The following EEIG2 variants were observed in gnomAD, a reference collection of about 807,000 sequenced individuals.
EEIG2 encodes EEIG family member 2.
At chr1:108,562,491 G>C in the EEIG2 span, among the ~76,000 whole-genome samples, 1 of 152,194 alleles carries the variant, frequency 6.6e-6, no homozygotes. Context: ...TCACAATAAG[G>C]AGCCTGTGCC....
the EEIG2 span, among the ~76,000 whole-genome samples, chr1:108,576,073 C>A: frequency 6.6e-6 from 1 of 152,112 alleles, no homozygotes; most frequent in Non-Finnish European, 1.5e-5. Flanking sequence ...TCTCAAACTC[C>A]CGGGTTCAAG....
the EEIG2 span, chr1:108,637,661 C>A: frequency 8.5e-5 from 13 of 152,186 alleles, no homozygotes; most frequent in African/African-American, 3.1e-4. Flanking sequence ...CTAATTATGT[C>A]TTTTCTATCT....
the EEIG2 span, among the ~76,000 whole-genome samples, chr1:108,600,225 C>T: frequency 6.6e-6 from 1 of 152,236 alleles, no homozygotes; most frequent in Non-Finnish European, 1.5e-5. Flanking sequence ...AGGTCAGGAA[C>T]TCTGTCCTCG....
chr1:108,592,753 G>C, the EEIG2 span, among the ~76,000 whole-genome samples: 1 of 152,332 alleles, frequency 6.6e-6, no homozygotes, highest in African/African-American at 2.4e-5. Flanking sequence ...GAACTTTGCA[G>C]ATTTGGAAAT....
chr1:108,624,800 C>A, the EEIG2 span: 2 of 1,451,092 alleles, frequency 1.4e-6, no homozygotes, highest in African/African-American at 1.4e-5. Context: ...CGACTTGATG[C>A]CCTAAAAATT....
chr1:108,630,660 T>TA, the EEIG2 span, among the ~76,000 whole-genome samples: 3 of 152,322 alleles, frequency 2.0e-5, no homozygotes, highest in East Asian at 3.9e-4. Flanking sequence ...CTGCCAAACT[T>TA]ACATTGATTA....
At chr1:108,625,772 CTCTGTGTGTGTGTGTGTGTG>C in the EEIG2 span, 11 of 109,346 alleles carry the variant, frequency 1.0e-4, no homozygotes, top group African/African-American at 3.0e-4. Flanking sequence ...CTCTCTCTCT[CTCTGTGTGTGTGTGTGTGTG>C]TGTGTGTGTG....
the EEIG2 span, among the ~76,000 whole-genome samples, chr1:108,566,838 A>G: frequency 6.6e-6 from 1 of 152,186 alleles, no homozygotes; most frequent in Non-Finnish European, 1.5e-5. Flanking sequence ...AGGTGAACTC[A>G]TAGTGGGTGA....
chr1:108,612,239 G>A, the EEIG2 span: 13 of 1,613,766 alleles, frequency 8.1e-6, no homozygotes, highest in South Asian at 1.4e-4. Context: ...ACTCGCCGCT[G>A]TTTACTGGAA....
At chr1:108,628,617 T>G in the EEIG2 span, 1 of 1,570,792 alleles carries the variant, frequency 6.4e-7, no homozygotes, top group Non-Finnish European at 8.6e-7. Context: ...AAATTTTAAT[T>G]TTTAAAAAAC....
the EEIG2 span, among the ~76,000 whole-genome samples, chr1:108,630,326 CA>C: frequency 6.6e-6 from 1 of 152,212 alleles, no homozygotes; most frequent in Non-Finnish European, 1.5e-5. Context: ...ATCGCAAGGA[CA>C]AAAAACCAAA....
the EEIG2 span, chr1:108,628,758 G>A: frequency 1.2e-6 from 2 of 1,613,366 alleles, no homozygotes; most frequent in Non-Finnish European, 1.7e-6. Context: ...ACATTGTAGA[G>A]AAAATATTAC....
chr1:108,601,111 G>A, the EEIG2 span, among the ~76,000 whole-genome samples: 1 of 152,168 alleles, frequency 6.6e-6, no homozygotes, highest in East Asian at 1.9e-4. Context: ...AATTTACATA[G>A]TTAATAAATG....
At chr1:108,595,008 A>G in the EEIG2 span, among the ~76,000 whole-genome samples, 1 of 152,162 alleles carries the variant, frequency 6.6e-6, no homozygotes, top group African/African-American at 2.4e-5. Context: ...AAAAATTCAC[A>G]TACAGAGTTC....
the EEIG2 span, among the ~76,000 whole-genome samples, chr1:108,605,136 A>G: frequency 2.0e-5 from 3 of 152,218 alleles, no homozygotes; most frequent in Non-Finnish European, 4.4e-5. Context: ...AGAGAGTAGG[A>G]TATAGCAAAT....
chr1:108,612,522 G>A, the EEIG2 span, among the ~76,000 whole-genome samples: 146,716 of 152,336 alleles, frequency 0.96, 70,869 homozygotes, highest in Non-Finnish European at 1. Flanking sequence ...TGACGTTTGA[G>A]CATTCAGAGA....
the EEIG2 span, among the ~76,000 whole-genome samples, chr1:108,606,626 G>C: frequency 3.9e-5 from 6 of 152,108 alleles, no homozygotes; most frequent in Non-Finnish European, 5.9e-5. Context: ...CAGTACTGCT[G>C]GTTTTTACTT....
At chr1:108,594,882 T>A in the EEIG2 span, among the ~76,000 whole-genome samples, 3 of 152,220 alleles carry the variant, frequency 2.0e-5, no homozygotes, top group Admixed American at 2.0e-4. Context: ...TCTTAATCTC[T>A]TGTTTTTTTC....
At chr1:108,569,416 TC>T in the EEIG2 span, among the ~76,000 whole-genome samples, 2 of 152,212 alleles carry the variant, frequency 1.3e-5, no homozygotes, top group African/African-American at 4.8e-5. Flanking sequence ...AGCCTTGAAT[TC>T]CTGTGCTCAA....
Sources: allele counts gnomAD v4.1 joint callset (sites outside exome capture counted in the v4.1 genomes callset), GRCh38; gene constraint gnomAD v4.1.1; transcripts MANE v1.5; gene names NCBI Gene and HGNC (gene_info 2026-07-23, HGNC 2026-07-21).